CSRP2: variants seen among roughly 807,000 people sequenced by gnomAD.
The protein encoded by CSRP2 is cysteine and glycine-rich protein 2.
Under a neutral mutation model 24.6 loss-of-function variants are expected in CSRP2, and 18 were observed. The ratio of observed to expected loss-of-function variants is 0.73; its 90% confidence interval spans 0.51 to 1.09. The LOEUF (loss-of-function observed/expected upper bound fraction) is 1.09, where lower values mean the gene tolerates loss of function less well. CSRP2 is among the 50% of genes least tolerant of loss of function. CSRP2 has a pLI of 0.00. For synonymous variants in CSRP2, 87 were observed against 84.3 expected (o/e 1.03, Z -0.18); for missense variants, 215 against 239.4 (o/e 0.90, Z 0.67).
chr12:76,871,457 T>C (rs1388626609), intron 1 of CSRP2, among the ~76,000 whole-genome samples: 1 of 152,130 alleles, frequency 6.6e-6, no homozygotes, highest in Non-Finnish European at 1.5e-5. Context: ...CAGTTCCACA[T>C]ATGGTGGTGA....
intron 1 of CSRP2, among the ~76,000 whole-genome samples, chr12:76,873,391 T>A (rs928761740): frequency 6.6e-6 from 1 of 152,180 alleles, no homozygotes; most frequent in Admixed American, 6.5e-5. Context: ...GTTCTACAAA[T>A]TTTTTCTTCT....
At chr12:76,878,127 C>T (rs1953870326) in intron 1 of CSRP2, 2 of 150,350 alleles carry the variant, frequency 1.3e-5, no homozygotes, top group Non-Finnish European at 3.0e-5. Flanking sequence ...AAGGGATCCG[C>T]CGGTTTAGAA....
At position 76,858,840 on chromosome 12, in the gene CSRP2, T is replaced by G. The variant is rs73391838; in HGVS notation, c.*112A>C. ...GCCAGCCTATCCAAGTACAGGGCGA[T>G]ATACAGTACTTAATGCTGGTAGAAT... On this transcript the variant is annotated 3_prime_UTR_variant, in exon 6 of 6. Coordinates refer to ENST00000311083, the MANE Select transcript of CSRP2 (RefSeq NM_001321.3). The G allele has an allele frequency of 2.4e-3, 2,240 of 948,140 alleles. 30 individuals carry two copies. The African/African-American group carries it at 0.032, about 14-fold the overall frequency. 58.7% of individuals were successfully genotyped at this position (948,140 alleles called of 1,614,324 possible). A position where few individuals can be genotyped will look rare whatever the true frequency, so the allele number is the denominator to read the frequency against.
At chr12:76,868,412 A>C (rs1350199153) in intron 1 of CSRP2, among the ~76,000 whole-genome samples, 1 of 152,148 alleles carries the variant, frequency 6.6e-6, no homozygotes, top group Non-Finnish European at 1.5e-5. Context: ...ATAGTGAATA[A>C]GTCTCACAAG....
chr12:76,873,912 A>G (rs1035866277), intron 1 of CSRP2, among the ~76,000 whole-genome samples: 1 of 152,208 alleles, frequency 6.6e-6, no homozygotes, highest in African/African-American at 2.4e-5. Flanking sequence ...AGCACTGCAT[A>G]ATGCTTTACT....
intron 5 of CSRP2, 135 bp from the exon 6 acceptor site, chr12:76,859,163 G>A: frequency 5.7e-6 from 4 of 703,848 alleles, no homozygotes; most frequent in South Asian, 3.6e-5. Context: ...GATGTTAAAT[G>A]TGTCATGTAC....
In CSRP2 at chr12:76,859,701, T is replaced by A. The variant is rs1046097113; in HGVS notation, c.412-61A>T. 13 of 1,277,900 alleles carry A rather than the reference T, an allele frequency of 1.0e-5. No individual in the cohort carries two copies. The African/African-American group carries it at 1.9e-4, about 19-fold the overall frequency. 79.2% of individuals were successfully genotyped at this position (1,277,900 alleles called of 1,614,324 possible). A position where few individuals can be genotyped will look rare whatever the true frequency, so the allele number is the denominator to read the frequency against. ...CCTGTTTCCTACAGTTCAATTTAGATGTATGGCAAGAAGTGGCTCAGGATG... is the reference window on the plus strand; with the variant it reads ...CCTGTTTCCTACAGTTCAATTTAGAAGTATGGCAAGAAGTGGCTCAGGATG... On this transcript the variant is annotated intron_variant, in intron 4 of 5. Coordinates refer to ENST00000311083, the MANE Select transcript of CSRP2 (RefSeq NM_001321.3).
intron 1 of CSRP2, 106 bp from the exon 2 acceptor site, chr12:76,866,367 CCTCT>C: frequency 1.4e-6 from 1 of 690,286 alleles, no homozygotes; most frequent in Non-Finnish European, 2.5e-6. Flanking sequence ...TCTTTATGAA[CCTCT>C]CTAACCACAT....
chr12:76,873,185 C>T (rs1247163065), intron 1 of CSRP2, among the ~76,000 whole-genome samples: 2 of 152,188 alleles, frequency 1.3e-5, no homozygotes. Flanking sequence ...TGTTATTACA[C>T]TAGAACCTGA....
intron 3 of CSRP2, chr12:76,862,650 C>T: frequency 1.0e-6 from 1 of 997,810 alleles, no homozygotes; most frequent in Non-Finnish European, 1.3e-6. Context: ...GATACGTTGG[C>T]AACAAAGCCT....
chr12:76,873,662 A>G (rs1399594472), intron 1 of CSRP2, among the ~76,000 whole-genome samples: 1 of 152,212 alleles, frequency 6.6e-6, no homozygotes, highest in African/African-American at 2.4e-5. Context: ...GAACAGTACC[A>G]TCTTTATAGA....
At chr12:76,872,593 A>G (rs944977294) in intron 1 of CSRP2, among the ~76,000 whole-genome samples, 2 of 152,224 alleles carry the variant, frequency 1.3e-5, no homozygotes, top group African/African-American at 4.8e-5. Context: ...GCATTTGCAT[A>G]CTAAAAAGCT....
At chr12:76,873,494 G>A (rs1056596094) in intron 1 of CSRP2, among the ~76,000 whole-genome samples, 4 of 152,066 alleles carry the variant, frequency 2.6e-5, no homozygotes, top group Admixed American at 2.0e-4. Flanking sequence ...GATCAGCTCC[G>A]TACTCCATTT....
At position 76,874,589 on chromosome 12, in the gene CSRP2, T is replaced by C. The variant is rs373929876; in HGVS notation, c.-2+4349A>G. On this transcript the variant is annotated intron_variant, in intron 1 of 5. Transcript: ENST00000311083. ...GCCTGAATATACCAAGTTCAGTCCG[T>C]TAGGTCAAGGGTTCCAACCCCCAGG... Among the ~76,000 whole-genome samples, 18 of 152,232 alleles carry C rather than the reference T, an allele frequency of 1.2e-4. No homozygotes were observed. In the East Asian group the frequency reaches 2.9e-3, roughly 24 times the overall value.
chr12:76,865,900 G>A (rs1213831842), intron 2 of CSRP2: 1 of 502,614 alleles, frequency 2.0e-6, no homozygotes, highest in Admixed American at 3.6e-5. Flanking sequence ...AGGCAGATGT[G>A]TTAACAAAAT....
chr12:76,858,732 T>C lies in CSRP2; in HGVS notation c.*220A>G. 2.5e-6 allele frequency: 1 copy of C among 402,358 alleles called. No homozygotes were observed. Among genetic ancestry groups the C allele is most frequent in the Non-Finnish European group, 4.5e-6 (1 of 219,790 alleles). The allele number at this position is 402,358 out of a possible 1,614,324, so 24.9% of individuals were successfully genotyped here. On this transcript the variant is annotated 3_prime_UTR_variant, in exon 6 of 6. Coordinates refer to ENST00000311083, the MANE Select transcript of CSRP2 (RefSeq NM_001321.3). ...CACCCAAATCAAGCTGAAGTTTTAT[T>C]TAAAATGTAAAAGAAATGTTCCCCC... is the stretch of plus-strand genomic sequence containing the variant.
At chr12:76,865,121 T>C (rs1250053473) in intron 2 of CSRP2, among the ~76,000 whole-genome samples, 3 of 152,178 alleles carry the variant, frequency 2.0e-5, no homozygotes, top group Non-Finnish European at 4.4e-5. Flanking sequence ...AAATGACCAG[T>C]AGAGAACTTG....
intron 1 of CSRP2, among the ~76,000 whole-genome samples, chr12:76,869,394 A>G (rs572251322): frequency 1.3e-5 from 2 of 151,946 alleles, no homozygotes; most frequent in South Asian, 4.2e-4. Context: ...GCAACCCCCA[A>G]CTCCAAGGCT....
chr12:76,862,740 GA>G, intron 3 of CSRP2: 1 of 1,323,098 alleles, frequency 7.6e-7, no homozygotes, highest in Admixed American at 3.6e-5. Context: ...TTAAGTTAGA[GA>G]AAAGTGATTT....
Sources: gnomAD v4.1 joint callset for allele counts (sites outside exome capture counted in the v4.1 genomes callset) on GRCh38, gnomAD v4.1.1 for gene constraint, MANE v1.5 for transcripts, NCBI Gene and HGNC (gene_info 2026-07-23, HGNC 2026-07-21) for gene names.